Variants in PXDNL observed in about 807,000 individuals in gnomAD.
The protein encoded by PXDNL is peroxidasin like, also known as probable oxidoreductase PXDNL.
PXDNL carries 145 observed loss-of-function variants against 150.8 expected under a neutral mutation model. That is an observed-to-expected ratio of 0.96 (90% CI 0.84 to 1.10). The LOEUF (loss-of-function observed/expected upper bound fraction) is 1.10. PXDNL is among the 50% of genes least tolerant of loss of function. PXDNL has a pLI of 0.00. For synonymous variants in PXDNL, 757 were observed against 725.7 expected, an observed-to-expected ratio of 1.04 and a Z score of -0.69; for missense variants, 2,087 against 1,873.9, an observed-to-expected ratio of 1.11 and a Z score of -2.10.
chr8:51,788,444 C>T (rs4242474), intron 1 of PXDNL, among the ~76,000 whole-genome samples: 77,172 of 152,142 alleles, frequency 0.51, 23,691 homozygotes, highest in Non-Finnish European at 0.68. Flanking sequence ...GTGGAAGAGA[C>T]AGTAATCATT....
rs370559046 is a variant in PXDNL, at chr8:51,757,812, T to C, written c.164+51369A>G. ...TAAGCAGATTGCCTCTGAATGTCTT[T>C]GGTTTTTTTCTGCTGCTTCCGCCCC... is the stretch of plus-strand genomic sequence containing the variant. On this transcript the variant is annotated intron_variant, in intron 1 of 22. Coordinates refer to ENST00000356297, the MANE Select transcript of PXDNL (RefSeq NM_144651.5). Among the ~76,000 whole-genome samples, 43 of 152,350 alleles carry C rather than the reference T, an allele frequency of 2.8e-4. 1 individual carries two copies. In the East Asian group the frequency reaches 7.5e-3, roughly 27 times the overall value.
At chr8:51,556,978 C>G (rs1289761264) in intron 3 of PXDNL, 67 bp from the exon 4 acceptor site, 1 of 907,436 alleles carries the variant, frequency 1.1e-6, no homozygotes, top group East Asian at 2.5e-5. Context: ...TAGATACAAA[C>G]TTTTTAAACT....
intron 1 of PXDNL, among the ~76,000 whole-genome samples, chr8:51,731,502 G>A (rs1268460707): frequency 1.3e-5 from 2 of 152,226 alleles, no homozygotes; most frequent in African/African-American, 4.8e-5. Flanking sequence ...GGCACATAGT[G>A]CAAGCTATCC....
intron 14 of PXDNL, among the ~76,000 whole-genome samples, chr8:51,415,372 T>G (rs1464674545): frequency 2.0e-5 from 3 of 152,072 alleles, no homozygotes; most frequent in Non-Finnish European, 4.4e-5. Context: ...TGGGGAGGCC[T>G]TAGGAAGCTT....
intron 17 of PXDNL, among the ~76,000 whole-genome samples, chr8:51,377,261 ATT>A (rs11332117): frequency 1.2e-4 from 18 of 150,080 alleles, no homozygotes; most frequent in South Asian, 4.2e-4. Flanking sequence ...CTTCTAGGGG[ATT>A]TTTTTTTTTC....
At chr8:51,744,068 AGG>A (rs1398552386) in intron 1 of PXDNL, among the ~76,000 whole-genome samples, 1,699 of 63,046 alleles carry the variant, frequency 0.027, 47 homozygotes, top group African/African-American at 0.068. Flanking sequence ...GAAGGAAGGA[AGG>A]AAGGAAGGAA....
At chr8:51,349,763 T>C (rs1363529882) in intron 19 of PXDNL, among the ~76,000 whole-genome samples, 1 of 152,242 alleles carries the variant, frequency 6.6e-6, no homozygotes, top group Non-Finnish European at 1.5e-5. Context: ...ATCCTATGTC[T>C]TTCCACGAAT....
At chr8:51,577,154 T>C (rs77440722) in intron 3 of PXDNL, among the ~76,000 whole-genome samples, 3,937 of 151,932 alleles carry the variant, frequency 0.026, 89 homozygotes, top group African/African-American at 0.06. Flanking sequence ...TTTACAAAGT[T>C]AGTATTAATG....
intron 17 of PXDNL, among the ~76,000 whole-genome samples, chr8:51,402,960 G>A (rs1303036004): frequency 1.7e-4 from 26 of 150,628 alleles, no homozygotes; most frequent in Non-Finnish European, 3.6e-4. Context: ...CGAGGTGGCC[G>A]GCGCCTATAG....
intron 1 of PXDNL, among the ~76,000 whole-genome samples, chr8:51,680,153 T>G (rs890672728): frequency 1.3e-5 from 2 of 152,230 alleles, no homozygotes; most frequent in Non-Finnish European, 2.9e-5. Context: ...GCTGATGACC[T>G]AGCACTGTGA....
intron 17 of PXDNL, among the ~76,000 whole-genome samples, chr8:51,404,413 T>TA (rs1409052572): frequency 5.3e-5 from 8 of 149,548 alleles, no homozygotes; most frequent in Non-Finnish European, 2.9e-5. Context: ...TTGGTGCATT[T>TA]ATAATCCCCT....
chr8:51,429,269 T>C (rs534137306), intron 12 of PXDNL, among the ~76,000 whole-genome samples: 1 of 152,326 alleles, frequency 6.6e-6, no homozygotes, highest in Admixed American at 6.5e-5. Context: ...GAAAAGAGTT[T>C]GGAAACTTCT....
At chr8:51,665,281 C>T (rs904738806) in intron 1 of PXDNL, among the ~76,000 whole-genome samples, 2 of 152,114 alleles carry the variant, frequency 1.3e-5, no homozygotes, top group Non-Finnish European at 2.9e-5. Context: ...CCTGGACACC[C>T]CTGAGCCTGG....
intron 4 of PXDNL, among the ~76,000 whole-genome samples, chr8:51,543,668 C>T (rs1415311063): frequency 7.0e-6 from 1 of 143,766 alleles, no homozygotes; most frequent in Non-Finnish European, 1.5e-5. Context: ...GTCGAGATCA[C>T]GCCATTGCAC....
intron 1 of PXDNL, among the ~76,000 whole-genome samples, chr8:51,716,205 G>A (rs895893028): frequency 2.0e-5 from 3 of 152,186 alleles, no homozygotes. Context: ...TTCCCATCTG[G>A]CAAGATCCTA....
At chr8:51,416,808 C>G (rs1272508909) in intron 14 of PXDNL, among the ~76,000 whole-genome samples, 2 of 152,134 alleles carry the variant, frequency 1.3e-5, no homozygotes, top group Admixed American at 1.3e-4. Context: ...CTCTAAACTA[C>G]ACAAATAGAA....
intron 1 of PXDNL, among the ~76,000 whole-genome samples, chr8:51,729,463 T>C (rs527266533): frequency 2.0e-5 from 3 of 152,276 alleles, no homozygotes; most frequent in African/African-American, 7.2e-5. Context: ...TACACAATCA[T>C]TTAGAATGGC....
At chr8:51,480,992 GA>G (rs1011010655) in intron 6 of PXDNL, among the ~76,000 whole-genome samples, 2 of 152,126 alleles carry the variant, frequency 1.3e-5, no homozygotes, top group African/African-American at 4.8e-5. Flanking sequence ...CTGCTGTAAA[GA>G]TACCCAAAAA....
intron 1 of PXDNL, among the ~76,000 whole-genome samples, chr8:51,743,941 A>AAGGAAGGAAGGAAGGAAGGAAG (rs1554511583): frequency 8.3e-5 from 2 of 24,186 alleles, no homozygotes; most frequent in Admixed American, 6.7e-4. Context: ...GGAAGGAAGG[A>AAGGAAGGAAGGAAGGAAGGAAG]GAGAAAGAGA....
Sources: gnomAD v4.1 joint callset for allele counts (sites outside exome capture counted in the v4.1 genomes callset) on GRCh38, gnomAD v4.1.1 for gene constraint, MANE v1.5 for transcripts, NCBI Gene and HGNC (gene_info 2026-07-23, HGNC 2026-07-21) for gene names.